Variants in TRAPPC9 observed in about 807,000 individuals in gnomAD.
TRAPPC9 encodes IKK2 binding protein.
TRAPPC9 carries 83 observed loss-of-function variants against 124.0 expected under a neutral mutation model. That is an observed-to-expected ratio of 0.67 (90% CI 0.56 to 0.80). TRAPPC9 has a LOEUF of 0.80. TRAPPC9 is among the 30% of genes least tolerant of loss of function. The probability of loss-of-function intolerance (pLI) is 0.00; values close to 1 mark genes in which losing one functional copy is unlikely to be tolerated. For missense variants in TRAPPC9, 1,302 were observed against 1,508.3 expected, an observed-to-expected ratio of 0.86 and a Z score of 2.27; for synonymous variants, 638 against 617.5, an observed-to-expected ratio of 1.03 and a Z score of -0.49.
At chr8:139,838,846 T>A (rs1231186260) in intron 21 of TRAPPC9, among the ~76,000 whole-genome samples, 1 of 152,208 alleles carries the variant, frequency 6.6e-6, no homozygotes, top group East Asian at 1.9e-4. Flanking sequence ...TTCCTCCTGC[T>A]GCTCTCCCGT....
chr8:140,409,122 A>T (rs1027917684), intron 5 of TRAPPC9, among the ~76,000 whole-genome samples: 1 of 152,222 alleles, frequency 6.6e-6, no homozygotes, highest in African/African-American at 2.4e-5. Flanking sequence ...AAAGTTGAAA[A>T]AGAAAAACAC....
chr8:139,891,685 C>T (rs1055207420), intron 20 of TRAPPC9, among the ~76,000 whole-genome samples: 2 of 152,214 alleles, frequency 1.3e-5, no homozygotes, highest in Non-Finnish European at 2.9e-5. Flanking sequence ...GGCTTGACAT[C>T]TTTCAAGAGG....
chr8:139,987,514 CATTTT>C (rs1457915555), intron 19 of TRAPPC9, among the ~76,000 whole-genome samples: 1 of 150,066 alleles, frequency 6.7e-6, no homozygotes, highest in African/African-American at 2.5e-5. Flanking sequence ...TTTTAAAAAA[CATTTT>C]ATTTCCTTAA....
rs79748171 is a variant in TRAPPC9, at chr8:139,735,754, G to A, written c.3056-3552C>T. On this transcript the variant is annotated intron_variant, in intron 21 of 22. Transcript: ENST00000438773. The stretch of plus-strand genomic sequence containing the variant: ...TCTGTGGGCTCCTGGGCAGAGCCAC[G>A]CTGGCCTGCCTGTTTAACCCTTCCT... 6.7e-3 allele frequency among the ~76,000 whole-genome samples: 1,015 copies of A among 151,812 alleles called. 8 individuals are homozygous for A. Among genetic ancestry groups the A allele is most frequent in the Middle Eastern group, 0.041 (12 of 294 alleles).
rs1388385460 is a variant in TRAPPC9, at chr8:140,415,144, T to C, written c.887-9446A>G. The stretch of plus-strand genomic sequence containing the variant: ...GAGGATCTCTTGAGCCCAGGAATTC[T>C]AGGCTGCAGTGAGCTGTAATCGCCA... On this transcript the variant is annotated intron_variant, in intron 5 of 22. Transcript: ENST00000438773. Among the ~76,000 whole-genome samples the C allele has an allele frequency of 2.0e-5, 3 of 151,972 alleles. No homozygotes were observed. The East Asian group carries it at 5.8e-4, about 29-fold the overall frequency.
At chr8:139,978,998 T>C (rs1345210813) in intron 19 of TRAPPC9, among the ~76,000 whole-genome samples, 1 of 151,934 alleles carries the variant, frequency 6.6e-6, no homozygotes, top group East Asian at 1.9e-4. Context: ...TGGGACTCGG[T>C]GGCCGGGCTC....
rs980436885 is a variant in TRAPPC9, at chr8:139,728,269, C to T, written c.*2792G>A. Among the ~76,000 whole-genome samples, 1 of 152,096 alleles carries T rather than the reference C, an allele frequency of 6.6e-6. No individual in the cohort carries two copies. The highest frequency in any genetic ancestry group is 1.5e-5 in the Non-Finnish European group (1 of 68,018). On this transcript the variant is annotated 3_prime_UTR_variant, in exon 23 of 23. Transcript: ENST00000438773. ...TGACGGCTGCATGATTATGGGGTCACCGGGCCTGTCCTGGCCCTGAGGGAC... is the reference window on the plus strand; with the variant it reads ...TGACGGCTGCATGATTATGGGGTCATCGGGCCTGTCCTGGCCCTGAGGGAC...
At chr8:140,330,712 T>G (rs969429093) in intron 9 of TRAPPC9, among the ~76,000 whole-genome samples, 1 of 152,268 alleles carries the variant, frequency 6.6e-6, no homozygotes, top group Non-Finnish European at 1.5e-5. Flanking sequence ...AAGAAGAAAT[T>G]ATATTAAGAA....
intron 17 of TRAPPC9, among the ~76,000 whole-genome samples, chr8:140,089,502 A>G (rs1410322918): frequency 1.3e-5 from 2 of 152,222 alleles, no homozygotes; most frequent in African/African-American, 4.8e-5. Context: ...ATACAAATTT[A>G]TGCCAGGTTT....
intron 15 of TRAPPC9, among the ~76,000 whole-genome samples, chr8:140,259,319 G>A (rs865905751): frequency 1.3e-5 from 2 of 152,088 alleles, no homozygotes; most frequent in Non-Finnish European, 2.9e-5. Flanking sequence ...CAACACACAC[G>A]CCTCTAGTGG....
intron 19 of TRAPPC9, among the ~76,000 whole-genome samples, chr8:139,918,162 T>C (rs1189023648): frequency 3.3e-5 from 5 of 152,196 alleles, no homozygotes; most frequent in East Asian, 1.9e-4. Flanking sequence ...TCACTGTAAA[T>C]TGGAGGTTGC....
At chr8:139,807,595 G>A (rs1355919079) in intron 21 of TRAPPC9, among the ~76,000 whole-genome samples, 4 of 152,156 alleles carry the variant, frequency 2.6e-5, no homozygotes, top group Non-Finnish European at 4.4e-5. Flanking sequence ...CACAACCACC[G>A]GCGGAGGCAC....
chr8:140,397,517 T>C lies in TRAPPC9; in HGVS notation c.1134+103A>G, dbSNP rs1210950792. 1.3e-5 allele frequency: 17 copies of C among 1,313,100 alleles called. No homozygotes were observed. The East Asian group carries it at 2.3e-4, about 18-fold the overall frequency. The allele number at this position is 1,313,100 out of a possible 1,614,324, so 81.3% of individuals were successfully genotyped here. A position where few individuals can be genotyped will look rare whatever the true frequency, so the allele number is the denominator to read the frequency against. ...AGTTAAGATTCAACAGTTTTTATCATGGCATGCTGAACCTCAGCAAAACGA... is the reference window on the plus strand; with the variant it reads ...AGTTAAGATTCAACAGTTTTTATCACGGCATGCTGAACCTCAGCAAAACGA... On this transcript the variant is annotated intron_variant, in intron 7 of 22. Coordinates refer to ENST00000438773, the MANE Select transcript of TRAPPC9 (RefSeq NM_001160372.4).
At chr8:139,830,345 C>T (rs1044423194) in intron 21 of TRAPPC9, among the ~76,000 whole-genome samples, 40 of 150,936 alleles carry the variant, frequency 2.7e-4, no homozygotes, top group African/African-American at 8.6e-4. Context: ...AATATACACA[C>T]GCAATTACAC....
At chr8:140,322,686 A>G (rs1425025559) in intron 9 of TRAPPC9, among the ~76,000 whole-genome samples, 1 of 152,048 alleles carries the variant, frequency 6.6e-6, no homozygotes, top group Admixed American at 6.6e-5. Context: ...AAATGTAAAA[A>G]TTAACCAGGC....
At chr8:140,009,846 G>A (rs1220891019) in intron 18 of TRAPPC9, among the ~76,000 whole-genome samples, 5 of 152,228 alleles carry the variant, frequency 3.3e-5, no homozygotes, top group African/African-American at 1.2e-4. Context: ...TTGAGAGCAT[G>A]AACTCAACTT....
intron 17 of TRAPPC9, among the ~76,000 whole-genome samples, chr8:140,057,817 C>T (rs1842374892): frequency 6.6e-6 from 1 of 152,124 alleles, no homozygotes; most frequent in Admixed American, 6.5e-5. Flanking sequence ...TGTTAAAAAC[C>T]ATCTCAAGGT....
chr8:139,741,196 G>A (rs943430379), intron 21 of TRAPPC9, among the ~76,000 whole-genome samples: 3 of 152,158 alleles, frequency 2.0e-5, no homozygotes, highest in East Asian at 1.9e-4. Context: ...CCCCCCGGGC[G>A]TGATGCCCCC....
chr8:139,732,872 C>A (rs767627596), intron 21 of TRAPPC9, among the ~76,000 whole-genome samples: 2 of 152,156 alleles, frequency 1.3e-5, no homozygotes, highest in African/African-American at 4.8e-5. Context: ...TGGTCCTGGG[C>A]GAAGGAGCAT....
Sources: gnomAD v4.1 joint callset for allele counts (sites outside exome capture counted in the v4.1 genomes callset) on GRCh38, gnomAD v4.1.1 for gene constraint, MANE v1.5 for transcripts, NCBI Gene and HGNC (gene_info 2026-07-23, HGNC 2026-07-21) for gene names.